Variants in CDKL3 observed in about 807,000 individuals in gnomAD.
The protein encoded by CDKL3 is cyclin-dependent kinase-like 3.
CDKL3 carries 65 observed loss-of-function variants against 69.3 expected under a neutral mutation model. The ratio of observed to expected loss-of-function variants is 0.94; its 90% CI spans 0.77 to 1.15. The LOEUF (loss-of-function observed/expected upper bound fraction) is 1.15, where lower values mean the gene tolerates loss of function less well. Ranked by LOEUF, CDKL3 falls within the 50% of genes most tolerant of loss-of-function variation. The pLI, the probability that CDKL3 is intolerant of heterozygous loss-of-function variation, is 0.00. For synonymous variants in CDKL3, 202 were observed against 221.6 expected (o/e 0.91, Z 0.79); for missense variants, 652 against 689.2 (o/e 0.95, Z 0.61).
At chr5:134,311,060 G>GT (rs1281149199) in intron 7 of CDKL3, among the ~76,000 whole-genome samples, 5 of 152,086 alleles carry the variant, frequency 3.3e-5, no homozygotes, top group South Asian at 2.1e-4. Context: ...AGAAAATGGT[G>GT]TTTTTTTAGA....
chr5:134,306,808 G>A, intron 9 of CDKL3, 106 bp from the exon 10 acceptor site: 1 of 620,360 alleles, frequency 1.6e-6, no homozygotes. Context: ...AGGCTGGAGT[G>A]CAGTGTCATG....
At position 134,304,581 on chromosome 5, in the gene CDKL3, CAAGA is replaced by C. The variant is rs1767230446; in HGVS notation, c.1459-18_1459-15del. On this transcript the variant is annotated splice_polypyrimidine_tract_variant and intron_variant, in intron 10 of 12. Coordinates refer to ENST00000265334, the MANE Select transcript of CDKL3 (RefSeq NM_001113575.2). Reference sequence around the variant, plus strand: ...CTCCATTTGGCTCTAAACAAACAAACAAGAGTTAGTTGAAGAAATGTGTCTAACT... The same window carrying C: ...CTCCATTTGGCTCTAAACAAACAAACGTTAGTTGAAGAAATGTGTCTAACT... The C allele has an allele frequency of 1.3e-6, 2 of 1,581,312 alleles. No individual in the cohort carries two copies. The highest frequency in any genetic ancestry group is 1.7e-6 in the Non-Finnish European group (2 of 1,166,476).
At chr5:134,352,951 CT>C (rs1291714383) in intron 3 of CDKL3, among the ~76,000 whole-genome samples, 144 of 152,170 alleles carry the variant, frequency 9.5e-4, no homozygotes, top group African/African-American at 3.3e-3. Flanking sequence ...TCTATGTTTG[CT>C]TCTGTTGCCT....
At chr5:134,296,937 TTTTTC>T (rs915219788), downstream of CDKL3, among the ~76,000 whole-genome samples, 3 of 150,892 alleles carry the variant, frequency 2.0e-5, no homozygotes, top group African/African-American at 7.3e-5. Context: ...GTGGTTTTTC[TTTTTC>T]TTTTCTTTTC....
At chr5:134,306,559 G>T (rs770434972) in intron 10 of CDKL3, 50 bp downstream of exon 10, 3 of 1,062,860 alleles carry the variant, frequency 2.8e-6, no homozygotes, top group Non-Finnish European at 4.3e-6. Context: ...AAGGAAAAAA[G>T]AAGTAATGTT....
intron 4 of CDKL3, among the ~76,000 whole-genome samples, chr5:134,347,697 T>TAAAAAAAAAA (rs1175296441): frequency 1.3e-4 from 7 of 52,824 alleles, no homozygotes; most frequent in African/African-American, 2.9e-4. Context: ...CCATCTCTGC[T>TAAAAAAAAAA]AAAAAAAAAA....
upstream of CDKL3, chr5:134,367,235 C>T: frequency 1.0e-6 from 1 of 985,330 alleles, no homozygotes; most frequent in Non-Finnish European, 1.2e-6. Flanking sequence ...TGGGAAGAAA[C>T]GGAAACCTAC....
At chr5:134,318,525 AC>A (rs1401572588) in intron 6 of CDKL3, among the ~76,000 whole-genome samples, 3 of 152,044 alleles carry the variant, frequency 2.0e-5, no homozygotes, top group Non-Finnish European at 4.4e-5. Context: ...TCTCTCTGTC[AC>A]CCACGCTGGA....
intron 9 of CDKL3, chr5:134,307,902 A>T (rs1768315115): frequency 1.9e-6 from 1 of 523,110 alleles, no homozygotes; most frequent in East Asian, 3.8e-5. Flanking sequence ...CTTTTTTTTT[A>T]ATAAGGTTTT....
At position 134,298,503 on chromosome 5, in the gene CDKL3, A is replaced by C. The variant is rs1290896471; in HGVS notation, c.*148T>G. On this transcript the variant is annotated 3_prime_UTR_variant, in exon 13 of 13. Transcript: ENST00000265334. ...GTCTTAAAAGGGAAAAGAAAACAGTAAATGTTTTGCTAACAAAAAAAGCTG... is the reference window on the plus strand; with the variant it reads ...GTCTTAAAAGGGAAAAGAAAACAGTCAATGTTTTGCTAACAAAAAAAGCTG... 2 of 1,429,090 alleles carry C rather than the reference A, an allele frequency of 1.4e-6. No individual in the cohort carries two copies. The highest frequency in any genetic ancestry group is 2.9e-5 in the African/African-American group (2 of 69,832). 88.5% of individuals were successfully genotyped at this position (1,429,090 alleles called of 1,614,324 possible).
At chr5:134,323,150 T>C (rs1360485817) in intron 4 of CDKL3, among the ~76,000 whole-genome samples, 1 of 152,178 alleles carries the variant, frequency 6.6e-6, no homozygotes, top group African/African-American at 2.4e-5. Context: ...ATTGTCAAGA[T>C]GTCAGTTCTT....
Position 134,367,126 on chromosome 5 carries a change from C to A in CDKL3, c.-171G>T, listed in dbSNP as rs1757627289. On this transcript the variant is annotated 5_prime_UTR_variant, in exon 1 of 13. Coordinates refer to ENST00000265334, the MANE Select transcript of CDKL3 (RefSeq NM_001113575.2). ...CTTTGTTGCTCAGCCCCGCAAGGAA[C>A]CGGCCACTTGCCACCATGGAAACGC... The A allele has an allele frequency of 1.0e-6, 1 of 985,678 alleles. No homozygotes were observed. Among genetic ancestry groups the A allele is most frequent in the South Asian group, 4.7e-5 (1 of 21,352 alleles). The allele number at this position is 985,678 out of a possible 1,614,324, so 61.1% of individuals were successfully genotyped here. A position where few individuals can be genotyped will look rare whatever the true frequency, so the allele number is the denominator to read the frequency against.
At chr5:134,348,739 CAG>C (rs1752535375) in intron 4 of CDKL3, among the ~76,000 whole-genome samples, 1 of 152,036 alleles carries the variant, frequency 6.6e-6, no homozygotes, top group Admixed American at 6.6e-5. Context: ...AAAACTGAGA[CAG>C]AGAGATCTTA....
chr5:134,368,310 G>A (rs1050403860), upstream of CDKL3, among the ~76,000 whole-genome samples: 21 of 152,282 alleles, frequency 1.4e-4, no homozygotes, highest in African/African-American at 4.8e-4. Context: ...AAAATATTCA[G>A]AATTGTCTTT....
intron 8 of CDKL3, among the ~76,000 whole-genome samples, chr5:134,293,288 G>C (rs1172280858): frequency 2.6e-5 from 4 of 151,758 alleles, no homozygotes; most frequent in Non-Finnish European, 4.4e-5. Flanking sequence ...CCAAAATGCT[G>C]GGATTACAGG....
chr5:134,320,191 A>G (rs1346186444), intron 5 of CDKL3, among the ~76,000 whole-genome samples: 1 of 152,238 alleles, frequency 6.6e-6, no homozygotes, highest in Non-Finnish European at 1.5e-5. Flanking sequence ...TTCTTAAATC[A>G]GTAATTATCC....
chr5:134,359,850 T>C, intron 3 of CDKL3, 47 bp downstream of exon 3: 2 of 1,229,298 alleles, frequency 1.6e-6, no homozygotes, highest in Non-Finnish European at 2.3e-6. Context: ...AAGGAGCACT[T>C]ATGATTCATA....
At chr5:134,295,001 ATTTTTTTTTCTT>A (rs1765284149), downstream of CDKL3, among the ~76,000 whole-genome samples, 2 of 131,778 alleles carry the variant, frequency 1.5e-5, no homozygotes, top group Admixed American at 7.8e-5. Flanking sequence ...GGAAGACTTG[ATTTTTTTTTCTT>A]TTTTTTTTTT....
intron 11 of CDKL3, among the ~76,000 whole-genome samples, chr5:134,303,626 C>T (rs900143515): frequency 2.6e-5 from 4 of 151,898 alleles, no homozygotes; most frequent in African/African-American, 9.7e-5. Context: ...GGTGGATCAC[C>T]TGAGGTCAGG....
Sources: allele counts gnomAD v4.1 joint callset (sites outside exome capture counted in the v4.1 genomes callset), GRCh38; gene constraint gnomAD v4.1.1; transcripts MANE v1.5; gene names NCBI Gene and HGNC (gene_info 2026-07-23, HGNC 2026-07-21).